Variants in WDR47 observed in about 807,000 individuals in gnomAD.
WDR47 encodes WD repeat domain 47, also known as WD repeat-containing protein 47.
WDR47 carries 32 observed loss-of-function variants against 97.2 expected under a neutral mutation model. That is an observed-to-expected ratio of 0.33 (90% CI 0.25 to 0.44). The LOEUF is 0.44. Among genes scored for constraint, WDR47 ranks in the 20% least tolerant of loss-of-function variants. WDR47 has a pLI of 1.00. For synonymous variants in WDR47, 375 were observed against 373.5 expected, an observed-to-expected ratio of 1.00 and a Z score of -0.05; for missense variants, 782 against 1,102.3, an observed-to-expected ratio of 0.71 and a Z score of 4.11.
At chr1:108,975,002 A>G (rs1424029457) in intron 13 of WDR47, among the ~76,000 whole-genome samples, 11 of 152,344 alleles carry the variant, frequency 7.2e-5, no homozygotes, top group African/African-American at 2.6e-4. Flanking sequence ...ACTGTGTGCA[A>G]CAGCATCACC....
chr1:108,994,116 G>A (rs890865763), intron 8 of WDR47, among the ~76,000 whole-genome samples: 3 of 152,190 alleles, frequency 2.0e-5, no homozygotes, highest in Non-Finnish European at 4.4e-5. Flanking sequence ...CAGTAATAGA[G>A]GCCGGGTGCG....
chr1:109,030,172 A>G, intron 1 of WDR47: 13 of 1,421,908 alleles, frequency 9.1e-6, no homozygotes, highest in Non-Finnish European at 1.2e-5. Context: ...ATGGGTGTGA[A>G]ATGCCCAGGA....
At position 109,037,048 on chromosome 1, in the gene WDR47, C is replaced by T. The variant is rs1215897389; in HGVS notation, c.-10+4814G>A. ...CTCTTCTTAAAGTTTCAAAGAAAATCGCCAGGTGCGGTGGCTCACGCCTGT... is the reference window on the plus strand; with the variant it reads ...CTCTTCTTAAAGTTTCAAAGAAAATTGCCAGGTGCGGTGGCTCACGCCTGT... On this transcript the variant is annotated intron_variant, in intron 1 of 14. Coordinates refer to ENST00000369962, the MANE Select transcript of WDR47 (RefSeq NM_001142551.2). Among the ~76,000 whole-genome samples, 4 of 151,750 alleles carry T rather than the reference C, an allele frequency of 2.6e-5. No homozygotes were observed. In the East Asian group the frequency reaches 7.9e-4, roughly 30 times the overall value.
Position 109,011,379 on chromosome 1 carries a change from T to C in WDR47, c.667A>G (p.Ser223Gly). The change falls in exon 5 of 15, where the codon AGC (serine) becomes GGC (glycine). Residue 223 changes from serine (S) to glycine (G), a missense_variant. Physicochemically the swap from Ser to Gly is moderately conservative, Grantham distance 56. Coordinates refer to ENST00000369962, the MANE Select transcript of WDR47 (RefSeq NM_001142551.2). Reference protein sequence around the residue: ...SKATGEEITESEVLLGIDLLC... With the variant: ...SKATGEEITEGEVLLGIDLLC... The stretch of plus-strand genomic sequence containing the variant: ...AGGTCGATGCCAAGAAGCACTTCGC[T>C]TTCTGTAATTTCTTCTCCAGTTGCT... 1 of 1,614,240 alleles carries C rather than the reference T, an allele frequency of 6.2e-7. No homozygotes were observed. Among genetic ancestry groups the C allele is most frequent in the South Asian group, 1.1e-5 (1 of 91,088 alleles).
In WDR47 at chr1:109,013,884, A is replaced by C; in HGVS notation, c.284T>G (p.Leu95Ter). Reference sequence around the variant, plus strand: ...TGCTGACATCGCGTTGTTAACACATAAAGCTTCTAAAAACTTCTGCTTCAG... The same window carrying C: ...TGCTGACATCGCGTTGTTAACACATCAAGCTTCTAAAAACTTCTGCTTCAG... ...IILKQKFLEALCVNNAMSAED... is the reference protein window; with the variant it reads ...IILKQKFLEA The change falls in exon 4 of 15, where the codon TTA (leucine) becomes TGA (stop). Residue 95 changes from leucine to a stop codon, truncating the protein, a stop_gained. Coordinates refer to ENST00000369962, the MANE Select transcript of WDR47 (RefSeq NM_001142551.2). LOFTEE classifies it high-confidence loss of function. 1 of 1,613,164 alleles carries C rather than the reference A, an allele frequency of 6.2e-7. No individual in the cohort carries two copies. The highest frequency in any genetic ancestry group is 8.5e-7 in the Non-Finnish European group (1 of 1,179,876).
chr1:108,972,902 C>T (rs1409881229), intron 14 of WDR47, among the ~76,000 whole-genome samples: 1 of 150,696 alleles, frequency 6.6e-6, no homozygotes, highest in Non-Finnish European at 1.5e-5. Context: ...GCCGACATTG[C>T]ACCACTGCGC....
intron 7 of WDR47, among the ~76,000 whole-genome samples, chr1:108,996,577 CATG>C (rs1379862791): frequency 9.9e-5 from 15 of 152,132 alleles, no homozygotes; most frequent in Non-Finnish European, 1.6e-4. Flanking sequence ...TTGAGCAAGC[CATG>C]ATGAGTAAAA....
intron 5 of WDR47, among the ~76,000 whole-genome samples, chr1:109,006,184 C>T (rs929340151): frequency 1.3e-5 from 2 of 152,004 alleles, no homozygotes; most frequent in South Asian, 2.1e-4. Flanking sequence ...CACCTGAGGT[C>T]GGGAGTATGA....
intron 2 of WDR47, among the ~76,000 whole-genome samples, chr1:109,019,154 A>T (rs1186219992): frequency 6.6e-6 from 1 of 151,894 alleles, no homozygotes; most frequent in African/African-American, 2.4e-5. Context: ...AGGCCGAGGC[A>T]GACAGATCAC....
At chr1:109,006,630 C>T (rs1181305628) in intron 5 of WDR47, among the ~76,000 whole-genome samples, 1 of 152,132 alleles carries the variant, frequency 6.6e-6, no homozygotes, top group East Asian at 1.9e-4. Context: ...TTATAAGACC[C>T]ATTTCACAAA....
intron 1 of WDR47, among the ~76,000 whole-genome samples, chr1:109,024,477 C>T (rs1019829155): frequency 6.6e-6 from 1 of 151,874 alleles, no homozygotes; most frequent in Admixed American, 6.6e-5. Flanking sequence ...GAAAAAAGTG[C>T]AACTTTAGTC....
intron 8 of WDR47, among the ~76,000 whole-genome samples, chr1:108,993,313 G>T (rs2101868269): frequency 6.7e-6 from 1 of 149,864 alleles, no homozygotes; most frequent in African/African-American, 2.4e-5. Context: ...GAGCCAAAGT[G>T]AGACACTGTC....
At chr1:108,995,475 G>A (rs1659673645) in intron 8 of WDR47, 105 bp downstream of exon 8, 1 of 1,384,348 alleles carries the variant, frequency 7.2e-7, no homozygotes, top group East Asian at 2.3e-5. Context: ...TTGGTAGGCA[G>A]TAAGCTCTAA....
At chr1:109,024,914 C>G (rs1369226653) in intron 1 of WDR47, 1 of 152,360 alleles carries the variant, frequency 6.6e-6, no homozygotes, top group African/African-American at 2.4e-5. Context: ...ATCGCTTGAG[C>G]CCAGAAGTTA....
chr1:109,008,703 G>A (rs1571208725), intron 5 of WDR47, among the ~76,000 whole-genome samples: 1 of 152,060 alleles, frequency 6.6e-6, no homozygotes, highest in Non-Finnish European at 1.5e-5. Context: ...CACTTCCCAG[G>A]TTCAAGCGAT....
chr1:109,040,494 AAC>A (rs1663279024), intron 1 of WDR47, among the ~76,000 whole-genome samples: 1 of 151,832 alleles, frequency 6.6e-6, no homozygotes, highest in Admixed American at 6.6e-5. Flanking sequence ...GTGGGAGATA[AAC>A]ACAGGTTAAA....
intron 1 of WDR47, among the ~76,000 whole-genome samples, chr1:109,036,342 G>T (rs1416547873): frequency 6.6e-6 from 1 of 151,936 alleles, no homozygotes; most frequent in African/African-American, 2.4e-5. Flanking sequence ...AGGAGCCTGA[G>T]GCAGGTGGAT....
rs1426448466 is a variant in WDR47 at position 108,981,781 on chromosome 1, G to A, written c.2350C>T (p.Arg784Ter). The A allele has an allele frequency of 3.1e-6, 5 of 1,613,542 alleles. No individual in the cohort carries two copies. The African/African-American group carries it at 5.3e-5, about 17-fold the overall frequency. ...ACAACACGAACACAACTTGGTACTCGAAGATCCCAAAATCTAACAGTCTTA... is the reference window on the plus strand; with the variant it reads ...ACAACACGAACACAACTTGGTACTCAAAGATCCCAAAATCTAACAGTCTTA... ...QDKTVRFWDL[R>*]VPSCVRVVGT... is the part of the protein sequence containing the mutation. The change falls in exon 13 of 15, where the codon CGA becomes TGA. Residue 784 changes from arginine (R) to a stop codon, truncating the protein, a stop_gained. Transcript: ENST00000369962. LOFTEE classifies it high-confidence loss of function.
intron 6 of WDR47, among the ~76,000 whole-genome samples, chr1:109,004,008 T>C (rs1660394226): frequency 6.6e-6 from 1 of 152,130 alleles, no homozygotes; most frequent in African/African-American, 2.4e-5. Flanking sequence ...CTCAAGCCTG[T>C]AATCCCAGCA....
Sources: gnomAD v4.1 joint callset for allele counts (sites outside exome capture counted in the v4.1 genomes callset) on GRCh38, gnomAD v4.1.1 for gene constraint, MANE v1.5 for transcripts, NCBI Gene and HGNC (gene_info 2026-07-23, HGNC 2026-07-21) for gene names.